Variants in SLC17A2 observed in about 807,000 individuals in gnomAD.
SLC17A2 encodes the protein solute carrier family 17 member 2.
A neutral mutation model predicts 52.1 loss-of-function variants in SLC17A2; 38 were observed. The ratio of observed to expected loss-of-function variants is 0.73; its 90% CI spans 0.56 to 0.96. The LOEUF is 0.96. SLC17A2 is among the 40% of genes least tolerant of loss of function. The pLI, the probability that SLC17A2 is intolerant of heterozygous loss-of-function variation, is 0.00. For synonymous variants in SLC17A2, 226 were observed against 211.9 expected (o/e 1.07, Z -0.58); for missense variants, 508 against 583.9 (o/e 0.87, Z 1.34).
rs1276368523 is a variant in SLC17A2, at chr6:25,917,062, G to A, written c.675C>T (p.Leu225=). Residue 225 remains leucine (L), a synonymous_variant, in exon 7 of 12, where the codon CTC becomes CTT. Coordinates refer to ENST00000377850, the MANE Select transcript of SLC17A2 (RefSeq NM_001286123.3). ...CATCATAAATCACTGTGAACCATAGGAGACAGCAGACACAGCCAGTGCTAC... is the reference window on the plus strand; with the variant it reads ...CATCATAAATCACTGTGAACCATAGAAGACAGCAGACACAGCCAGTGCTAC... ...IFGSTGCVCC[L]LWFTVIYDDP... The A allele has an allele frequency of 1.9e-6, 3 of 1,614,104 alleles. No individual in the cohort carries two copies. Among genetic ancestry groups the A allele is most frequent in the Admixed American group, 3.3e-5 (2 of 60,030 alleles).
At position 25,915,648 on chromosome 6, in the gene SLC17A2, T is replaced by C; in HGVS notation, c.1064-2A>G. On this transcript the variant is annotated splice_acceptor_variant, in intron 9 of 11. Transcript: ENST00000377850. LOFTEE classifies it high-confidence loss of function. ...CACATATTGATGGAAGGAGGAGCCC[T>C]GGGCAATGAGGACATGCTGTCAGGG... 6.2e-7 allele frequency: 1 copy of C among 1,613,690 alleles called. No individual in the cohort carries two copies. The highest frequency in any genetic ancestry group is 1.1e-5 in the South Asian group (1 of 91,014).
At chr6:25,925,367 T>A (rs199743) in intron 2 of SLC17A2, among the ~76,000 whole-genome samples, 3 of 151,792 alleles carry the variant, frequency 2.0e-5, no homozygotes, top group African/African-American at 7.3e-5. Context: ...CAAAAATTCA[T>A]CTGGGCATGG....
At chr6:25,923,602 AT>A in intron 3 of SLC17A2, 92 bp downstream of exon 3, 1 of 907,850 alleles carries the variant, frequency 1.1e-6, no homozygotes. Flanking sequence ...GTCATTGGAA[AT>A]GTATACTTCC....
intron 5 of SLC17A2, among the ~76,000 whole-genome samples, chr6:25,919,819 T>G (rs1766484309): frequency 1.4e-5 from 2 of 142,628 alleles, no homozygotes; most frequent in Non-Finnish European, 3.0e-5. Context: ...GCATATAAAC[T>G]AACGGGAGCA....
intron 11 of SLC17A2, among the ~76,000 whole-genome samples, 182 bp from the exon 12 acceptor site, chr6:25,913,633 T>C (rs1172673053): frequency 1.3e-5 from 2 of 152,240 alleles, no homozygotes. Flanking sequence ...CACATGGGGT[T>C]CTGAGTTGAG....
chr6:25,917,383 GTGTTA>G (rs1766367947), intron 6 of SLC17A2, among the ~76,000 whole-genome samples: 1 of 152,350 alleles, frequency 6.6e-6, no homozygotes, highest in Admixed American at 6.5e-5. Flanking sequence ...AATGATTACA[GTGTTA>G]TGTATTTTAG....
intron 2 of SLC17A2, among the ~76,000 whole-genome samples, chr6:25,925,065 G>A (rs1766708699): frequency 6.6e-6 from 1 of 152,110 alleles, no homozygotes; most frequent in Admixed American, 6.6e-5. Context: ...TATAATGGAA[G>A]AAATAATTTT....
intron 11 of SLC17A2, among the ~76,000 whole-genome samples, chr6:25,914,275 C>A (rs946764858): frequency 6.6e-6 from 1 of 152,174 alleles, no homozygotes; most frequent in Non-Finnish European, 1.5e-5. Context: ...CTTGCTATTC[C>A]TTGACATGTG....
rs553646319 is a variant in SLC17A2, at chr6:25,916,405, C to T, written c.930+280G>A. On this transcript the variant is annotated intron_variant, in intron 8 of 11. Coordinates refer to ENST00000377850, the MANE Select transcript of SLC17A2 (RefSeq NM_001286123.3). ...CCAGCAATATTATTTCTAAAAGAAG[C>T]TTTGGAATCAGCTGGTGTGGTAGTA... is the stretch of plus-strand genomic sequence containing the variant. Among the ~76,000 whole-genome samples, 153 of 152,220 alleles carry T rather than the reference C, an allele frequency of 1.0e-3. 3 individuals are homozygous for T. In the South Asian group the frequency reaches 0.022, roughly 21 times the overall value.
intron 3 of SLC17A2, 28 bp downstream of exon 3, chr6:25,923,667 A>G: frequency 1.9e-6 from 3 of 1,574,998 alleles, no homozygotes; most frequent in Non-Finnish European, 1.7e-6. Context: ...TTCTCTCAAC[A>G]AAGAGCCCTA....
chr6:25,917,085 T>C lies in SLC17A2; in HGVS notation c.652A>G (p.Ser218Gly). 6.2e-7 allele frequency: 1 copy of C among 1,612,232 alleles called. No individual in the cohort carries two copies. The highest frequency in any genetic ancestry group is 1.1e-5 in the South Asian group (1 of 91,044). Residue 218 changes from serine (S) to glycine (G), a missense_variant and splice_region_variant, in exon 7 of 12, where the codon AGC becomes GGC. Physicochemically the swap from Ser to Gly is moderately conservative, Grantham distance 56. Coordinates refer to ENST00000377850, the MANE Select transcript of SLC17A2 (RefSeq NM_001286123.3). ...AGGAGACAGCAGACACAGCCAGTGC[T>C]ACCTGGGAAGAAGGGATAAAATTAG... ...SWPFIFYIFGSTGCVCCLLWF... is the reference protein window; with the variant it reads ...SWPFIFYIFGGTGCVCCLLWF...
Position 25,913,167 on chromosome 6 carries a change from T to A in SLC17A2, c.*150A>T. On this transcript the variant is annotated 3_prime_UTR_variant, in exon 12 of 12. Coordinates refer to ENST00000377850, the MANE Select transcript of SLC17A2 (RefSeq NM_001286123.3). ...CAGAATCTCTGGAGTGGGTCCCAAG[T>A]ATCAGTGTCTTATAAAGGCTCCCCA... The A allele has an allele frequency of 1.3e-6, 1 of 760,696 alleles. No individual in the cohort carries two copies. Among genetic ancestry groups the A allele is most frequent in the South Asian group, 1.8e-5 (1 of 55,064 alleles). 47.1% of individuals were successfully genotyped at this position (760,696 alleles called of 1,614,324 possible). A position where few individuals can be genotyped will look rare whatever the true frequency, so the allele number is the denominator to read the frequency against.
intron 3 of SLC17A2, 83 bp downstream of exon 3, chr6:25,923,611 TC>T: frequency 9.7e-7 from 1 of 1,032,888 alleles, no homozygotes; most frequent in East Asian, 2.4e-5. Context: ...AATGTATACT[TC>T]CATACTCCAC....
intron 10 of SLC17A2, 47 bp from the exon 11 acceptor site, chr6:25,914,717 A>G (rs752148144): frequency 8.2e-7 from 1 of 1,212,168 alleles, no homozygotes; most frequent in South Asian, 1.2e-5. Flanking sequence ...AAAGCCACCT[A>G]CAGCTTCTGC....
chr6:25,918,443 G>T, intron 6 of SLC17A2, 44 bp downstream of exon 6: 2 of 1,333,556 alleles, frequency 1.5e-6, no homozygotes, highest in Non-Finnish European at 2.2e-6. Flanking sequence ...CAAAATGGAT[G>T]CTCAGGAAAT....
Position 25,923,890 on chromosome 6 carries a change from T to C in SLC17A2, c.45A>G (p.Ser15=), listed in dbSNP as rs1561881315. The C allele has an allele frequency of 6.2e-7, 1 of 1,614,072 alleles. No individual in the cohort carries two copies. Among genetic ancestry groups the C allele is most frequent in the Non-Finnish European group, 8.5e-7 (1 of 1,180,018 alleles). ...TGATAAGAGCCAGCCCATAGCGTAATGAACAGAAATCTGGACCTAGACAAC... is the reference window on the plus strand; with the variant it reads ...TGATAAGAGCCAGCCCATAGCGTAACGAACAGAAATCTGGACCTAGACAAC... ...PATRKGPDFC[S]LRYGLALIMH... Residue 15 remains serine, a synonymous_variant, in exon 3 of 12, where the codon TCA becomes TCG. Coordinates refer to ENST00000377850, the MANE Select transcript of SLC17A2 (RefSeq NM_001286123.3).
At chr6:25,914,137 C>T (rs1766210408) in intron 11 of SLC17A2, among the ~76,000 whole-genome samples, 1 of 152,232 alleles carries the variant, frequency 6.6e-6, no homozygotes, top group Non-Finnish European at 1.5e-5. Context: ...CACAGCCGAT[C>T]TGTTTCCAGA....
At chr6:25,913,803 TTTTG>T (rs1240545846) in intron 11 of SLC17A2, among the ~76,000 whole-genome samples, 1 of 149,684 alleles carries the variant, frequency 6.7e-6, no homozygotes, top group South Asian at 2.1e-4. Flanking sequence ...TTGCTGTTTG[TTTTG>T]TTTTTTTTTG....
Position 25,925,890 on chromosome 6 carries a change from A to C in SLC17A2, c.-83-11T>G, listed in dbSNP as rs1031843874. 8.1e-7 allele frequency: 1 copy of C among 1,238,308 alleles called. No homozygotes were observed. Among genetic ancestry groups the C allele is most frequent in the Non-Finnish European group, 1.2e-6 (1 of 837,216 alleles). The allele number at this position is 1,238,308 out of a possible 1,614,324, so 76.7% of individuals were successfully genotyped here. On this transcript the variant is annotated splice_polypyrimidine_tract_variant and intron_variant, in intron 1 of 11. Coordinates refer to ENST00000377850, the MANE Select transcript of SLC17A2 (RefSeq NM_001286123.3). ...ACGACAGTCTTTTATCTATGGAGAG[A>C]ACATAATCCAAAACATAATACACAA...
Sources: allele counts gnomAD v4.1 joint callset (sites outside exome capture counted in the v4.1 genomes callset), GRCh38; gene constraint gnomAD v4.1.1; transcripts MANE v1.5; gene names NCBI Gene and HGNC (gene_info 2026-07-23, HGNC 2026-07-21).